The following SSBP2 variants were observed in gnomAD, a reference collection of about 807,000 sequenced individuals.
SSBP2 encodes the protein single-stranded DNA-binding protein 2.
A neutral mutation model predicts 61.8 loss-of-function variants in SSBP2; 17 were observed. The ratio of observed to expected loss-of-function variants is 0.28; its 90% confidence interval spans 0.19 to 0.41. The LOEUF (loss-of-function observed/expected upper bound fraction) is 0.41. Among genes scored for constraint, SSBP2 ranks in the 10% least tolerant of loss-of-function variants. The pLI, the probability that SSBP2 is intolerant of heterozygous loss-of-function variation, is 1.00. For missense variants in SSBP2, 310 were observed against 458.7 expected (o/e 0.68, Z 2.96); for synonymous variants, 139 against 141.3 (o/e 0.98, Z 0.12).
chr5:81,628,926 C>T (rs184914694), intron 3 of SSBP2, among the ~76,000 whole-genome samples: 1 of 152,232 alleles, frequency 6.6e-6, no homozygotes, highest in Non-Finnish European at 1.5e-5. Flanking sequence ...CAAACACTCC[C>T]ACTCTTCACC....
At chr5:81,736,162 ACACACACACACACACACACACACACACT>A (rs1302258986) in intron 1 of SSBP2, among the ~76,000 whole-genome samples, 1 of 129,996 alleles carries the variant, frequency 7.7e-6, no homozygotes, top group Admixed American at 7.6e-5. Flanking sequence ...ACACACACAC[ACACACACACACACACACACACACACACT>A]CTACGGCACT....
At chr5:81,599,736 G>A (rs1205427465) in intron 4 of SSBP2, among the ~76,000 whole-genome samples, 1 of 152,166 alleles carries the variant, frequency 6.6e-6, no homozygotes, top group Admixed American at 6.5e-5. Context: ...TATGTATCGA[G>A]GGCCCACTAT....
chr5:81,456,634 A>T (rs1414936681), intron 10 of SSBP2, among the ~76,000 whole-genome samples: 2 of 152,172 alleles, frequency 1.3e-5, no homozygotes, highest in Admixed American at 1.3e-4. Flanking sequence ...GGAGTTTGTA[A>T]ATAAACCTCT....
chr5:81,669,050 A>C (rs1417677460), intron 1 of SSBP2, among the ~76,000 whole-genome samples: 1 of 152,218 alleles, frequency 6.6e-6, no homozygotes, highest in East Asian at 1.9e-4. Flanking sequence ...AAAAGACAAA[A>C]TGGAAGTAGC....
At chr5:81,620,196 T>C in intron 3 of SSBP2, among the ~76,000 whole-genome samples, 1 of 123,050 alleles carries the variant, frequency 8.1e-6, no homozygotes, top group African/African-American at 3.2e-5. Context: ...ATTGTTTATC[T>C]AGAAAACCCC....
At chr5:81,535,239 T>C (rs1770719852) in intron 4 of SSBP2, among the ~76,000 whole-genome samples, 1 of 152,008 alleles carries the variant, frequency 6.6e-6, no homozygotes, top group South Asian at 2.1e-4. Context: ...AAATTTTACA[T>C]GAGGAAAGCT....
At chr5:81,742,649 G>A (rs1489432415) in intron 1 of SSBP2, among the ~76,000 whole-genome samples, 1 of 152,160 alleles carries the variant, frequency 6.6e-6, no homozygotes, top group East Asian at 1.9e-4. Context: ...GCTGAGGCAG[G>A]TGGATCATCT....
intron 16 of SSBP2, among the ~76,000 whole-genome samples, chr5:81,421,778 G>A (rs1038895554): frequency 6.6e-6 from 1 of 152,168 alleles, no homozygotes; most frequent in Non-Finnish European, 1.5e-5. Context: ...TGTGGTCTGT[G>A]CTGTCCAACT....
chr5:81,706,855 T>C (rs10035410), intron 1 of SSBP2, among the ~76,000 whole-genome samples: 3,374 of 152,268 alleles, frequency 0.022, 96 homozygotes, highest in East Asian at 0.11. Context: ...TGAAGTCCTC[T>C]AGGGAAGTGG....
At chr5:81,664,536 A>C (rs991038521) in intron 1 of SSBP2, among the ~76,000 whole-genome samples, 1 of 152,118 alleles carries the variant, frequency 6.6e-6, no homozygotes, top group Non-Finnish European at 1.5e-5. Flanking sequence ...CATTTGTAGA[A>C]TCCTTTGGTT....
intron 1 of SSBP2, among the ~76,000 whole-genome samples, chr5:81,747,399 A>T (rs1207756266): frequency 6.6e-6 from 1 of 152,032 alleles, no homozygotes; most frequent in Non-Finnish European, 1.5e-5. Context: ...ATATTTCTTT[A>T]ATGGAGGAAA....
intron 1 of SSBP2, among the ~76,000 whole-genome samples, chr5:81,685,033 G>A (rs1338510025): frequency 6.6e-6 from 1 of 152,040 alleles, no homozygotes; most frequent in Non-Finnish European, 1.5e-5. Flanking sequence ...TTGTGATAGT[G>A]AGTTCTCACG....
intron 10 of SSBP2, among the ~76,000 whole-genome samples, chr5:81,450,904 A>G (rs755449252): frequency 1.1e-4 from 16 of 152,152 alleles, no homozygotes; most frequent in Non-Finnish European, 2.4e-4. Context: ...AGAAACACAA[A>G]ACACGGTTGA....
chr5:81,656,509 A>G (rs1364760851), intron 1 of SSBP2, among the ~76,000 whole-genome samples: 1 of 152,188 alleles, frequency 6.6e-6, no homozygotes, highest in Non-Finnish European at 1.5e-5. Context: ...AACAGGTGGT[A>G]TTTGGTTACA....
chr5:81,543,863 C>T (rs1007369018), intron 4 of SSBP2, among the ~76,000 whole-genome samples: 6 of 152,068 alleles, frequency 3.9e-5, no homozygotes, highest in South Asian at 2.1e-4. Flanking sequence ...AACTACTCTG[C>T]TAAGTATATC....
rs11370853 is a variant in SSBP2, at chr5:81,461,592, TA to T, written c.639-490del. Among the ~76,000 whole-genome samples, 6 of 151,134 alleles carry T rather than the reference TA, an allele frequency of 4.0e-5. No individual in the cohort carries two copies. In the East Asian group the frequency reaches 5.8e-4, roughly 15 times the overall value. ...ATAAAAGGTATCTAAAGTTGCCTTT[TA>T]AAAAAAAACCACAGAGTATCACACA... On this transcript the variant is annotated intron_variant, in intron 9 of 16. Transcript: ENST00000320672.
intron 4 of SSBP2, among the ~76,000 whole-genome samples, chr5:81,544,289 C>T (rs960949889): frequency 6.6e-5 from 10 of 151,970 alleles, no homozygotes; most frequent in African/African-American, 2.2e-4. Flanking sequence ...CCTCGTGATC[C>T]GCCCCCCTCA....
At chr5:81,567,813 T>G (rs540100430) in intron 4 of SSBP2, among the ~76,000 whole-genome samples, 23 of 152,232 alleles carry the variant, frequency 1.5e-4, no homozygotes, top group Non-Finnish European at 3.2e-4. Context: ...GGAGATCATT[T>G]TGGAGCTTCA....
chr5:81,641,296 T>C (rs957911450), intron 2 of SSBP2, among the ~76,000 whole-genome samples: 1 of 152,228 alleles, frequency 6.6e-6, no homozygotes, highest in Non-Finnish European at 1.5e-5. Flanking sequence ...AGAAGAAGCC[T>C]GAGGTAATAC....
Sources: allele counts gnomAD v4.1 joint callset (sites outside exome capture counted in the v4.1 genomes callset), GRCh38; gene constraint gnomAD v4.1.1; transcripts MANE v1.5; gene names NCBI Gene and HGNC (gene_info 2026-07-23, HGNC 2026-07-21).